NBAS: variants seen among roughly 807,000 people sequenced by gnomAD.
The protein encoded by NBAS is NAG/BC035112 fusion.
A neutral mutation model predicts 302.5 loss-of-function variants in NBAS; 219 were observed. The ratio of observed to expected loss-of-function variants is 0.72; its 90% CI spans 0.65 to 0.81. The LOEUF (loss-of-function observed/expected upper bound fraction) is 0.81, where lower values mean the gene tolerates loss of function less well. Among genes scored for constraint, NBAS ranks in the 30% least tolerant of loss-of-function variants. The probability of loss-of-function intolerance (pLI) is 0.00; values close to 1 mark genes in which losing one functional copy is unlikely to be tolerated. For synonymous variants in NBAS, 1,118 were observed against 1,021.6 expected, an observed-to-expected ratio of 1.09 and a Z score of -1.80; for missense variants, 2,932 against 2,841.6, an observed-to-expected ratio of 1.03 and a Z score of -0.72.
chr2:15,264,732 A>T (rs965573192), intron 44 of NBAS, among the ~76,000 whole-genome samples: 2 of 152,200 alleles, frequency 1.3e-5, no homozygotes, highest in East Asian at 3.9e-4. Context: ...TGTGTCTGTT[A>T]AAATGGTGAC....
the NBAS span, among the ~76,000 whole-genome samples, chr2:15,071,793 T>A: frequency 6.6e-6 from 1 of 151,970 alleles, no homozygotes; most frequent in Admixed American, 6.6e-5. Flanking sequence ...CATGTTTTTT[T>A]CCCAAGCAAC....
At chr2:15,056,639 A>C in the NBAS span, among the ~76,000 whole-genome samples, 2 of 152,138 alleles carry the variant, frequency 1.3e-5, no homozygotes, top group East Asian at 1.9e-4. Flanking sequence ...ACTTGAGCTA[A>C]GCTTTTGGCA....
chr2:15,092,400 G>C, the NBAS span, among the ~76,000 whole-genome samples: 2 of 152,140 alleles, frequency 1.3e-5, no homozygotes, highest in East Asian at 1.9e-4. Context: ...TAATTAATTA[G>C]GTATGTGAAT....
chr2:15,398,728 A>T (rs560259702), intron 26 of NBAS, among the ~76,000 whole-genome samples: 174 of 152,312 alleles, frequency 1.1e-3, no homozygotes, highest in East Asian at 1.2e-3. Context: ...TAAATTGACA[A>T]ACTTGGCATG....
At chr2:15,294,985 C>G (rs1670481298) in intron 40 of NBAS, among the ~76,000 whole-genome samples, 1 of 152,186 alleles carries the variant, frequency 6.6e-6, no homozygotes, top group African/African-American at 2.4e-5. Context: ...CCTCTCTTTA[C>G]CAGGCTATTG....
intron 42 of NBAS, among the ~76,000 whole-genome samples, chr2:15,286,060 A>T (rs1670028559): frequency 6.6e-6 from 1 of 152,192 alleles, no homozygotes; most frequent in South Asian, 2.1e-4. Flanking sequence ...AACAAGGAAG[A>T]ACCTAGGGAT....
the NBAS span, among the ~76,000 whole-genome samples, chr2:14,963,930 C>G: frequency 6.6e-6 from 1 of 152,224 alleles, no homozygotes; most frequent in Non-Finnish European, 1.5e-5. Flanking sequence ...ATGAAATACT[C>G]AGACGAGTCT....
At chr2:15,548,491 A>G (rs1664224845) in intron 6 of NBAS, among the ~76,000 whole-genome samples, 1 of 152,100 alleles carries the variant, frequency 6.6e-6, no homozygotes, top group Non-Finnish European at 1.5e-5. Flanking sequence ...AAAATACAAA[A>G]AAATGCCGGG....
chr2:15,169,166 C>A (rs1431043474), intron 51 of NBAS, among the ~76,000 whole-genome samples: 1 of 152,186 alleles, frequency 6.6e-6, no homozygotes, highest in Non-Finnish European at 1.5e-5. Context: ...ACCCTCTCTG[C>A]AAACCCTCAG....
chr2:15,376,054 G>C (rs1674719983), intron 30 of NBAS, among the ~76,000 whole-genome samples: 1 of 152,278 alleles, frequency 6.6e-6, no homozygotes, highest in Admixed American at 6.5e-5. Flanking sequence ...GAAGGATAAA[G>C]TTAGGGGAAC....
chr2:15,458,980 T>G (rs1226890255), intron 21 of NBAS, among the ~76,000 whole-genome samples: 1 of 152,228 alleles, frequency 6.6e-6, no homozygotes, highest in Non-Finnish European at 1.5e-5. Context: ...TTAATTATAC[T>G]CTGCTGCAAT....
chr2:14,781,352 T>C, the NBAS span, among the ~76,000 whole-genome samples: 1 of 152,190 alleles, frequency 6.6e-6, no homozygotes, highest in Non-Finnish European at 1.5e-5. Flanking sequence ...TCCTGAAAAG[T>C]GACTACTCTG....
intron 42 of NBAS, among the ~76,000 whole-genome samples, chr2:15,279,960 G>A (rs956663988): frequency 6.6e-6 from 1 of 152,118 alleles, no homozygotes; most frequent in African/African-American, 2.4e-5. Flanking sequence ...TGAAACCACT[G>A]TGGACTTTTC....
At chr2:15,384,729 A>T (rs1169552645) in intron 28 of NBAS, among the ~76,000 whole-genome samples, 1 of 152,196 alleles carries the variant, frequency 6.6e-6, no homozygotes, top group African/African-American at 2.4e-5. Context: ...ATCACCATTT[A>T]TGTTTACTTT....
the NBAS span, among the ~76,000 whole-genome samples, chr2:15,036,050 A>T: frequency 6.6e-6 from 1 of 152,314 alleles, no homozygotes; most frequent in African/African-American, 2.4e-5. Flanking sequence ...AAAAGTATGA[A>T]ATTGCCCTTT....
chr2:15,204,680 T>C (rs1362384354), intron 48 of NBAS, among the ~76,000 whole-genome samples: 1 of 151,988 alleles, frequency 6.6e-6, no homozygotes, highest in Non-Finnish European at 1.5e-5. Flanking sequence ...TATACAGCCA[T>C]AAAAAAGGAT....
chr2:15,141,515 A>G, the NBAS span, among the ~76,000 whole-genome samples: 2 of 152,170 alleles, frequency 1.3e-5, no homozygotes, highest in East Asian at 3.8e-4. Flanking sequence ...CATATTCTAG[A>G]GGCCTGAGAC....
the NBAS span, among the ~76,000 whole-genome samples, chr2:15,146,084 A>G: frequency 1.3e-5 from 2 of 152,112 alleles, no homozygotes; most frequent in African/African-American, 4.8e-5. Context: ...AACAGAAAGC[A>G]ATGGTTAAGA....
At chr2:15,184,422 C>G (rs373014750) in intron 50 of NBAS, among the ~76,000 whole-genome samples, 21 of 151,526 alleles carry the variant, frequency 1.4e-4, no homozygotes, top group African/African-American at 5.1e-4. Context: ...CAGTGGGAAC[C>G]CTGAGCTTGT....
Sources: gnomAD v4.1 joint callset for allele counts (sites outside exome capture counted in the v4.1 genomes callset) on GRCh38, gnomAD v4.1.1 for gene constraint, MANE v1.5 for transcripts, NCBI Gene and HGNC (gene_info 2026-07-23, HGNC 2026-07-21) for gene names.